Variants in PRIM2 observed in about 807,000 individuals in gnomAD.
The protein encoded by PRIM2 is DNA primase subunit 2, also known as DNA primase large subunit.
A neutral mutation model predicts 67.3 loss-of-function variants in PRIM2; 39 were observed. The observed-to-expected ratio is 0.58, with a 90% CI of 0.45 to 0.76. The LOEUF (loss-of-function observed/expected upper bound fraction) is 0.76. PRIM2 is among the 30% of genes least tolerant of loss of function. The probability of loss-of-function intolerance (pLI) is 0.00; values close to 1 mark genes in which losing one functional copy is unlikely to be tolerated. For synonymous variants in PRIM2, 143 were observed against 198.7 expected, an observed-to-expected ratio of 0.72 and a Z score of 2.36; for missense variants, 398 against 598.7, an observed-to-expected ratio of 0.66 and a Z score of 3.50.
intron 5 of PRIM2, among the ~76,000 whole-genome samples, chr6:57,330,806 T>G (rs1768031893): frequency 6.6e-6 from 1 of 152,112 alleles, no homozygotes; most frequent in Admixed American, 6.5e-5. Context: ...AGTTGAATAT[T>G]TTCATTAAGA....
intron 7 of PRIM2, among the ~76,000 whole-genome samples, chr6:57,411,965 A>C: frequency 6.6e-6 from 1 of 151,750 alleles, no homozygotes; most frequent in Non-Finnish European, 1.5e-5. Context: ...TGTCTAAAAT[A>C]GATCTTAACT....
the PRIM2 span, among the ~76,000 whole-genome samples, chr6:57,281,906 C>A: frequency 3.3e-5 from 5 of 152,186 alleles, no homozygotes; most frequent in Non-Finnish European, 7.3e-5. Context: ...TCTGATCCAG[C>A]ATTTACTGAC....
At chr6:57,628,208 A>G (rs1170352747) in intron 12 of PRIM2, among the ~76,000 whole-genome samples, 1 of 151,964 alleles carries the variant, frequency 6.6e-6, no homozygotes, top group Non-Finnish European at 1.5e-5. Context: ...TTTTCTTCCT[A>G]TTCTTGTTTT....
intron 10 of PRIM2, among the ~76,000 whole-genome samples, chr6:57,583,465 G>C (rs1776135056): frequency 6.6e-6 from 1 of 150,632 alleles, no homozygotes; most frequent in Admixed American, 6.6e-5. Flanking sequence ...TGAGAATGAT[G>C]GTTTCCAATT....
chr6:57,462,998 A>G (rs1390300485), intron 7 of PRIM2, among the ~76,000 whole-genome samples: 1 of 152,190 alleles, frequency 6.6e-6, no homozygotes, highest in Non-Finnish European at 1.5e-5. Flanking sequence ...TGTTTATATC[A>G]GAGCAGGCTT....
At chr6:57,330,079 TG>T (rs1562696442) in intron 5 of PRIM2, among the ~76,000 whole-genome samples, 1 of 152,208 alleles carries the variant, frequency 6.6e-6, no homozygotes, top group Non-Finnish European at 1.5e-5. Context: ...ACATTGAATC[TG>T]TAGATCAGTT....
the PRIM2 span, among the ~76,000 whole-genome samples, chr6:57,225,115 C>T: frequency 2.0e-5 from 3 of 152,090 alleles, no homozygotes; most frequent in African/African-American, 7.3e-5. Context: ...ATCACTTCTC[C>T]ACAATTTATC....
chr6:57,221,616 A>C, the PRIM2 span: 4 of 152,378 alleles, frequency 2.6e-5, no homozygotes, highest in Non-Finnish European at 5.9e-5. Flanking sequence ...CCCCTTCCCC[A>C]GTCGGGACTT....
At chr6:57,479,596 G>A (rs1349199232) in intron 7 of PRIM2, among the ~76,000 whole-genome samples, 1 of 152,192 alleles carries the variant, frequency 6.6e-6, no homozygotes, top group Non-Finnish European at 1.5e-5. Context: ...GTATTACAGA[G>A]GGAAAAGGTT....
chr6:57,237,908 T>C, the PRIM2 span, among the ~76,000 whole-genome samples: 2 of 152,192 alleles, frequency 1.3e-5, no homozygotes, highest in African/African-American at 2.4e-5. Flanking sequence ...GGCTCTTTTT[T>C]CTTTCCATAT....
chr6:57,240,097 T>TTTTTTTTG, the PRIM2 span, among the ~76,000 whole-genome samples: 2 of 19,926 alleles, frequency 1.0e-4, no homozygotes, highest in Admixed American at 4.5e-4. Context: ...ATCTGTTTTT[T>TTTTTTTTG]TTTTTTTTTT....
intron 5 of PRIM2, among the ~76,000 whole-genome samples, chr6:57,377,731 A>AT (rs35696922): frequency 3.3e-5 from 5 of 151,154 alleles, no homozygotes; most frequent in Admixed American, 6.6e-5. Flanking sequence ...ATTTCTAGAA[A>AT]TTTTTTTTTC....
intron 7 of PRIM2, among the ~76,000 whole-genome samples, chr6:57,466,259 G>A (rs1773187724): frequency 6.6e-6 from 1 of 152,232 alleles, no homozygotes; most frequent in Non-Finnish European, 1.5e-5. Flanking sequence ...CTTTGCTATT[G>A]TGAACAGTGC....
intron 10 of PRIM2, among the ~76,000 whole-genome samples, chr6:57,551,357 A>C (rs1202145222): frequency 2.0e-5 from 3 of 152,218 alleles, no homozygotes; most frequent in African/African-American, 4.8e-5. Context: ...ATTGATAAGA[A>C]TGTCACCTGT....
At chr6:57,356,658 G>GCT (rs1769040490) in intron 5 of PRIM2, among the ~76,000 whole-genome samples, 1 of 152,146 alleles carries the variant, frequency 6.6e-6, no homozygotes, top group South Asian at 2.1e-4. Context: ...TAAACTGACA[G>GCT]CTATTGGAAG....
chr6:57,345,868 C>T (rs1210490047), intron 5 of PRIM2, among the ~76,000 whole-genome samples: 1 of 152,158 alleles, frequency 6.6e-6, no homozygotes, highest in African/African-American at 2.4e-5. Flanking sequence ...TGGACAATTC[C>T]CGGAACTCTG....
chr6:57,423,145 C>T (rs575801621), intron 7 of PRIM2, among the ~76,000 whole-genome samples: 2 of 152,104 alleles, frequency 1.3e-5, no homozygotes, highest in Non-Finnish European at 1.5e-5. Flanking sequence ...GGTAGCCTAT[C>T]GGAAAGTCTG....
the PRIM2 span, among the ~76,000 whole-genome samples, chr6:57,307,293 G>A: frequency 6.7e-6 from 1 of 150,292 alleles, no homozygotes; most frequent in Non-Finnish European, 1.5e-5. Context: ...TTGCTCTGTT[G>A]CCCAGGCTGG....
At position 57,389,439 on chromosome 6, in the gene PRIM2, A is replaced by T. The variant is rs1288497878; in HGVS notation, c.693+7271A>T. 2.6e-5 allele frequency among the ~76,000 whole-genome samples: 4 copies of T among 152,050 alleles called. 1 individual carries two copies. In the South Asian group the frequency reaches 6.2e-4, roughly 24 times the overall value. ...CTTAATTTCACTTTCTATTTGTGAG[A>T]CTCATCTTTAGAAGGTACTGGTAAA... On this transcript the variant is annotated intron_variant, in intron 7 of 13. Transcript: ENST00000615550.
Sources: allele counts gnomAD v4.1 joint callset (sites outside exome capture counted in the v4.1 genomes callset), GRCh38; gene constraint gnomAD v4.1.1; transcripts MANE v1.5; gene names NCBI Gene and HGNC (gene_info 2026-07-23, HGNC 2026-07-21).